The following KLHL14 variants were observed in gnomAD, a reference collection of about 807,000 sequenced individuals.
The protein encoded by KLHL14 is kelch like family member 14, also known as kelch-like protein 14.
KLHL14 carries 22 observed loss-of-function variants against 64.3 expected under a neutral mutation model. The observed-to-expected ratio is 0.34, with a 90% CI of 0.24 to 0.49. The LOEUF is 0.49. Among genes scored for constraint, KLHL14 ranks in the 20% least tolerant of loss-of-function variants. KLHL14 has a pLI of 0.99. For missense variants in KLHL14, 661 were observed against 789.0 expected, an observed-to-expected ratio of 0.84 and a Z score of 1.94; for synonymous variants, 322 against 333.4, an observed-to-expected ratio of 0.97 and a Z score of 0.37.
At chr18:32,704,862 G>A (rs1176592730) in intron 3 of KLHL14, among the ~76,000 whole-genome samples, 2 of 152,200 alleles carry the variant, frequency 1.3e-5, no homozygotes, top group African/African-American at 4.8e-5. Context: ...AGAGCCCACT[G>A]TGTAGACAGA....
intron 4 of KLHL14, among the ~76,000 whole-genome samples, chr18:32,693,413 C>CACACACACAGAGAGAGAG (rs1229737083): frequency 3.6e-4 from 35 of 97,030 alleles, no homozygotes; most frequent in African/African-American, 1.7e-3. Context: ...CACACACACA[C>CACACACACAGAGAGAGAG]AGAGAGAGAG....
intron 3 of KLHL14, among the ~76,000 whole-genome samples, chr18:32,698,259 A>G (rs1054153911): frequency 9.2e-5 from 14 of 152,122 alleles, no homozygotes; most frequent in African/African-American, 3.1e-4. Flanking sequence ...ATTTCTCCAG[A>G]GGTGGACAAG....
intron 3 of KLHL14, chr18:32,734,153 T>C (rs531203618): frequency 1.4e-6 from 1 of 702,866 alleles, no homozygotes; most frequent in African/African-American, 1.7e-5. Context: ...GATAGTCACA[T>C]TGTGTTGTTT....
Position 32,673,166 on chromosome 18 carries a change from A to C in KLHL14, c.*1491T>G, listed in dbSNP as rs1598542311. The C allele has an allele frequency of 6.5e-6, 1 of 152,700 alleles. No individual in the cohort carries two copies. Among genetic ancestry groups the C allele is most frequent in the African/African-American group, 2.4e-5 (1 of 41,554 alleles). The allele number at this position is 152,700 out of a possible 1,614,324, so 9.5% of individuals were successfully genotyped here. ...TAAATACAAAAACAACGAAGATTGCACTTTACTGTAGAAACGGCATCGGAT... is the reference window on the plus strand; with the variant it reads ...TAAATACAAAAACAACGAAGATTGCCCTTTACTGTAGAAACGGCATCGGAT... On this transcript the variant is annotated 3_prime_UTR_variant, in exon 9 of 9. Coordinates refer to ENST00000359358, the MANE Select transcript of KLHL14 (RefSeq NM_020805.3).
intron 3 of KLHL14, among the ~76,000 whole-genome samples, chr18:32,710,107 A>C (rs979145560): frequency 4.6e-5 from 7 of 152,312 alleles, no homozygotes; most frequent in African/African-American, 1.7e-4. Context: ...TACCTCACAG[A>C]GCTATTGTGA....
chr18:32,720,823 A>T (rs933326974), intron 3 of KLHL14, among the ~76,000 whole-genome samples: 1 of 152,104 alleles, frequency 6.6e-6, no homozygotes, highest in Admixed American at 6.6e-5. Flanking sequence ...TACGAAATGA[A>T]TGTCTCTGGA....
At chr18:32,747,810 T>TA (rs1269056602) in intron 2 of KLHL14, among the ~76,000 whole-genome samples, 2 of 152,184 alleles carry the variant, frequency 1.3e-5, no homozygotes, top group African/African-American at 2.4e-5. Context: ...AATCTTTTTT[T>TA]AAAAAAACAA....
Position 32,770,525 on chromosome 18 carries a change from G to T in KLHL14, c.67C>A (p.Leu23Ile). ...PSHSDNLLHGLNLLWRKQLFC... is the reference protein window; with the variant it reads ...PSHSDNLLHGINLLWRKQLFC... ...AGCTGCTTCCTCCACAGCAGGTTGA[G>T]GCCGTGCAGCAGGTTGTCGCTGTGG... The change falls in exon 2 of 9, where the codon CTC becomes ATC. Residue 23 changes from leucine (L) to isoleucine (I), a missense_variant. Leu to Ile is a conservative substitution (Grantham distance 5). This residue lies in a region of KLHL14 where 331 missense variants were observed against 339.0 expected (regional missense o/e 0.98). Transcript: ENST00000359358. This position sits in a 1 kb window ranked among gnomAD's most constrained non-coding sequence, Gnocchi z 6.7. The T allele has an allele frequency of 6.2e-7, 1 of 1,609,210 alleles. No individual in the cohort carries two copies.
intron 3 of KLHL14, chr18:32,738,179 T>G (rs1214409445): frequency 2.0e-5 from 3 of 151,892 alleles, no homozygotes; most frequent in Non-Finnish European, 4.4e-5. Context: ...TGGGGAGAAA[T>G]AAAAGGGGTC....
intron 2 of KLHL14, among the ~76,000 whole-genome samples, chr18:32,763,748 A>G (rs141179137): frequency 3.7e-4 from 57 of 152,286 alleles, no homozygotes; most frequent in African/African-American, 1.2e-3. Flanking sequence ...TTTGATTCAC[A>G]CTATACTGCA....
intron 8 of KLHL14, among the ~76,000 whole-genome samples, 161 bp downstream of exon 8, chr18:32,677,012 C>T (rs1051013649): frequency 1.8e-4 from 27 of 152,070 alleles, no homozygotes; most frequent in Admixed American, 1.6e-3. Context: ...GTTCAACAGC[C>T]ACCAGGCTGA....
At chr18:32,681,591 A>T (rs2144467171) in intron 5 of KLHL14, among the ~76,000 whole-genome samples, 1 of 152,304 alleles carries the variant, frequency 6.6e-6, no homozygotes, top group African/African-American at 2.4e-5. Context: ...CTGGAATAAT[A>T]TACTTCACAA....
At chr18:32,725,810 T>C (rs1479442607) in intron 3 of KLHL14, among the ~76,000 whole-genome samples, 1 of 152,240 alleles carries the variant, frequency 6.6e-6, no homozygotes, top group Admixed American at 6.5e-5. Context: ...TAAGGTGTGA[T>C]TTCTGGAGTT....
chr18:32,691,892 G>A (rs1365431598), intron 4 of KLHL14, among the ~76,000 whole-genome samples: 1 of 152,058 alleles, frequency 6.6e-6, no homozygotes, highest in Non-Finnish European at 1.5e-5. Context: ...TTAGCACTTG[G>A]CTGATGTGAT....
intron 3 of KLHL14, among the ~76,000 whole-genome samples, chr18:32,713,459 A>G (rs577056761): frequency 6.6e-6 from 1 of 152,266 alleles, no homozygotes; most frequent in South Asian, 2.1e-4. Context: ...TCTTGGGATA[A>G]AAAATATCTT....
At position 32,695,477 on chromosome 18, in the gene KLHL14, T is replaced by C. The variant is rs2049932099; in HGVS notation, c.1145A>G (p.Gln382Arg). The C allele has an allele frequency of 1.1e-5, 18 of 1,610,486 alleles. No individual in the cohort carries two copies. The highest frequency in any genetic ancestry group is 1.5e-5 in the Non-Finnish European group (18 of 1,176,902). Residue 382 changes from glutamine to arginine, a missense_variant, in exon 4 of 9, where the codon CAG (glutamine) becomes CGG (arginine). Gln to Arg is a conservative substitution (Grantham distance 43, BLOSUM62 1). Coordinates refer to ENST00000359358, the MANE Select transcript of KLHL14 (RefSeq NM_020805.3). ...TCAATAGTTACCATTCGGATTCCAC[T>C]GGTCCTCTCCACCCAACACGAACAA... is the stretch of plus-strand genomic sequence containing the variant. ...NFLFVLGGEDQWNPNGKHSTN... is the reference protein window; with the variant it reads ...NFLFVLGGEDRWNPNGKHSTN...
intron 3 of KLHL14, among the ~76,000 whole-genome samples, chr18:32,702,357 A>T (rs867556316): frequency 6.1e-4 from 53 of 87,572 alleles, no homozygotes; most frequent in African/African-American, 1.3e-3. Flanking sequence ...TTTTTTTTTA[A>T]AAAAAAGTCT....
At chr18:32,758,363 T>G (rs2050294175) in intron 2 of KLHL14, among the ~76,000 whole-genome samples, 2 of 152,286 alleles carry the variant, frequency 1.3e-5, no homozygotes, top group South Asian at 2.1e-4. Flanking sequence ...ATTAGGGGAA[T>G]GCAAACCACC....
rs187483520 is a variant in KLHL14, at chr18:32,740,259, G to C, written c.1069+1669C>G. 3.9e-4 allele frequency among the ~76,000 whole-genome samples: 59 copies of C among 152,288 alleles called. 1 individual carries two copies. Among genetic ancestry groups the C allele is most frequent in the Middle Eastern group, 3.4e-3 (1 of 294 alleles). The stretch of plus-strand genomic sequence containing the variant: ...CCCTTTCATGCTTGAAAATGCCCCA[G>C]TGTGGACAATGTTTAACAATCAACC... On this transcript the variant is annotated intron_variant, in intron 3 of 8. Transcript: ENST00000359358.
Sources: allele counts gnomAD v4.1 joint callset (sites outside exome capture counted in the v4.1 genomes callset), GRCh38; gene constraint gnomAD v4.1.1; regional missense constraint gnomAD v4.1.1; non-coding constraint Gnocchi (gnomAD v3.1); transcripts MANE v1.5; gene names NCBI Gene and HGNC (gene_info 2026-07-23, HGNC 2026-07-21).